GRID1: variants seen among roughly 807,000 people sequenced by gnomAD.
GRID1 encodes the protein glutamate ionotropic receptor delta type subunit 1, also known as glutamate receptor ionotropic, delta-1.
GRID1 carries 28 observed loss-of-function variants against 98.0 expected under a neutral mutation model. That is an observed-to-expected ratio of 0.29 (90% CI 0.21 to 0.39). The LOEUF (loss-of-function observed/expected upper bound fraction) is 0.39, where lower values mean the gene tolerates loss of function less well. GRID1 is among the 10% of genes least tolerant of loss of function. GRID1 has a pLI of 1.00. For missense variants in GRID1, 1,111 were observed against 1,340.5 expected (o/e 0.83, Z 2.67); for synonymous variants, 553 against 538.5 (o/e 1.03, Z -0.37).
chr10:86,063,455 C>G (rs993031442), intron 4 of GRID1, among the ~76,000 whole-genome samples: 2 of 152,066 alleles, frequency 1.3e-5, no homozygotes, highest in African/African-American at 4.8e-5. Flanking sequence ...TGCCCAGACT[C>G]CAAAAAGGTT....
At chr10:85,849,444 G>A (rs542496922) in intron 8 of GRID1, among the ~76,000 whole-genome samples, 1 of 152,240 alleles carries the variant, frequency 6.6e-6, no homozygotes, top group South Asian at 2.1e-4. Context: ...GGAGAATGAG[G>A]CCCTTCCATT....
chr10:86,328,935 G>GT (rs1265001971), intron 2 of GRID1, among the ~76,000 whole-genome samples: 1 of 152,122 alleles, frequency 6.6e-6, no homozygotes, highest in Non-Finnish European at 1.5e-5. Context: ...TGACAAGAGA[G>GT]TAAGTCCAAG....
At chr10:85,660,085 G>C (rs1343567434) in intron 12 of GRID1, among the ~76,000 whole-genome samples, 1 of 152,176 alleles carries the variant, frequency 6.6e-6, no homozygotes. Context: ...AGCAATGCCA[G>C]GTGCCAGCCA....
At chr10:85,615,715 C>T (rs950374548) in intron 14 of GRID1, among the ~76,000 whole-genome samples, 3 of 152,190 alleles carry the variant, frequency 2.0e-5, no homozygotes, top group African/African-American at 4.8e-5. Flanking sequence ...CGCAGTGTTG[C>T]ACCACCTCAT....
intron 13 of GRID1, among the ~76,000 whole-genome samples, chr10:85,631,792 T>C (rs1034455770): frequency 6.6e-6 from 1 of 152,144 alleles, no homozygotes; most frequent in Non-Finnish European, 1.5e-5. Context: ...AGCAAATTGG[T>C]GTGCCTGGAT....
chr10:86,229,697 AC>A (rs1225158808), intron 2 of GRID1, among the ~76,000 whole-genome samples: 1 of 152,042 alleles, frequency 6.6e-6, no homozygotes, highest in Admixed American at 6.5e-5. Context: ...TCTGGCTTCA[AC>A]CCTTCTGATG....
intron 2 of GRID1, among the ~76,000 whole-genome samples, chr10:86,311,033 G>A (rs1242396976): frequency 6.6e-6 from 1 of 152,114 alleles, no homozygotes; most frequent in African/African-American, 2.4e-5. Flanking sequence ...GGAGGAAGAG[G>A]AGGGGCAGTG....
At chr10:85,681,473 G>A (rs1389171841) in intron 12 of GRID1, among the ~76,000 whole-genome samples, 1 of 152,140 alleles carries the variant, frequency 6.6e-6, no homozygotes, top group Non-Finnish European at 1.5e-5. Context: ...CAAGGCTGGA[G>A]CTCAGACCTT....
intron 3 of GRID1, among the ~76,000 whole-genome samples, chr10:86,184,462 T>TTTC (rs1845700656): frequency 1.9e-5 from 1 of 51,646 alleles, no homozygotes; most frequent in African/African-American, 1.1e-4. Flanking sequence ...TTCTTTTTTC[T>TTTC]TTTTTTTTTT....
At chr10:85,729,414 G>A in intron 9 of GRID1, 99 bp downstream of exon 9, 1 of 676,830 alleles carries the variant, frequency 1.5e-6, no homozygotes, top group Non-Finnish European at 2.7e-6. Context: ...TACTCCTCAA[G>A]ATTCTCTTCT....
chr10:86,149,176 C>T (rs1271628384), intron 3 of GRID1, among the ~76,000 whole-genome samples: 1 of 152,224 alleles, frequency 6.6e-6, no homozygotes, highest in African/African-American at 2.4e-5. Context: ...AAGGTCATCT[C>T]TCCCTTCTGT....
chr10:85,721,623 T>C (rs1564569999), intron 12 of GRID1, among the ~76,000 whole-genome samples: 1 of 152,216 alleles, frequency 6.6e-6, no homozygotes, highest in Non-Finnish European at 1.5e-5. Flanking sequence ...TCCATTTATA[T>C]CACATACTGA....
At chr10:85,756,492 A>G (rs1403175675) in intron 8 of GRID1, among the ~76,000 whole-genome samples, 1 of 152,216 alleles carries the variant, frequency 6.6e-6, no homozygotes, top group Non-Finnish European at 1.5e-5. Context: ...CCTAAGACAG[A>G]CAATCTGATA....
intron 8 of GRID1, among the ~76,000 whole-genome samples, chr10:85,731,941 A>C (rs916277617): frequency 7.7e-5 from 11 of 143,068 alleles, no homozygotes; most frequent in Admixed American, 6.2e-4. Flanking sequence ...GAGAGAAGGG[A>C]AGGGAAGGGA....
In GRID1 at chr10:86,322,089, C is replaced by G. The variant is rs147570528; in HGVS notation, c.235+41852G>C. On this transcript the variant is annotated intron_variant, in intron 2 of 15. Transcript: ENST00000327946. ...ATCACATCCATTTAAAACGAATGAA[C>G]TAGATCTGGGAACCAAACATTTCAT... Among the ~76,000 whole-genome samples the G allele has an allele frequency of 2.5e-3, 377 of 152,060 alleles. 1 individual carries two copies. The highest frequency in any genetic ancestry group is 7.4e-3 in the African/African-American group (306 of 41,450).
At chr10:86,142,960 G>A (rs1375611007) in intron 3 of GRID1, among the ~76,000 whole-genome samples, 2 of 152,220 alleles carry the variant, frequency 1.3e-5, no homozygotes, top group Non-Finnish European at 2.9e-5. Context: ...CATGCAAACG[G>A]GAGGACATAA....
At chr10:86,127,635 G>A (rs918652512) in intron 4 of GRID1, among the ~76,000 whole-genome samples, 5 of 152,168 alleles carry the variant, frequency 3.3e-5, no homozygotes, top group South Asian at 2.1e-4. Flanking sequence ...CTCAACCCCA[G>A]CTGGGCTGGC....
intron 8 of GRID1, among the ~76,000 whole-genome samples, chr10:85,795,421 C>T (rs1230551088): frequency 1.3e-5 from 2 of 152,142 alleles, no homozygotes; most frequent in Non-Finnish European, 2.9e-5. Context: ...CTAGTCCTAT[C>T]TCAAAAAGCC....
rs114884768 is a variant in GRID1 at position 85,661,459 on chromosome 10, T to C, written c.1998-14062A>G. The stretch of plus-strand genomic sequence containing the variant: ...TTTTCTCTGAAAACTAGAATCTCAT[T>C]TTGCAGTGTCTGTTGAGACTCAGAG... On this transcript the variant is annotated intron_variant, in intron 12 of 15. Coordinates refer to ENST00000327946, the MANE Select transcript of GRID1 (RefSeq NM_017551.3). 4.3e-3 allele frequency among the ~76,000 whole-genome samples: 658 copies of C among 152,324 alleles called. 5 individuals carry two copies. Among genetic ancestry groups the C allele is most frequent in the African/African-American group, 0.014 (582 of 41,566 alleles).
Sources: allele counts gnomAD v4.1 joint callset (sites outside exome capture counted in the v4.1 genomes callset), GRCh38; gene constraint gnomAD v4.1.1; transcripts MANE v1.5; gene names NCBI Gene and HGNC (gene_info 2026-07-23, HGNC 2026-07-21).